The following HPCAL1 variants were observed in gnomAD, a reference collection of about 807,000 sequenced individuals.
The protein encoded by HPCAL1 is hippocalcin like 1.
HPCAL1 carries 8 observed loss-of-function variants against 17.1 expected under a neutral mutation model. The ratio of observed to expected loss-of-function variants is 0.47; its 90% CI spans 0.27 to 0.84. The LOEUF (loss-of-function observed/expected upper bound fraction) is 0.84. Among genes scored for constraint, HPCAL1 ranks in the 40% least tolerant of loss-of-function variants. HPCAL1 has a pLI of 0.13. For synonymous variants in HPCAL1, 112 were observed against 111.4 expected, an observed-to-expected ratio of 1.01 and a Z score of -0.03; for missense variants, 165 against 271.1, an observed-to-expected ratio of 0.61 and a Z score of 2.75.
rs560288088 is a variant in HPCAL1, at chr2:10,354,622, C to G, written c.-110-42213C>G. 6.6e-6 allele frequency among the ~76,000 whole-genome samples: 1 copy of G among 152,346 alleles called. No individual in the cohort carries two copies. Among genetic ancestry groups the G allele is most frequent in the African/African-American group, 2.4e-5 (1 of 41,582 alleles). On this transcript the variant is annotated intron_variant, in intron 1 of 4. Coordinates refer to ENST00000307845, the MANE Select transcript of HPCAL1 (RefSeq NM_002149.4). This position sits in a 1 kb window ranked among gnomAD's most constrained non-coding sequence, Gnocchi z 5.1. Reference sequence around the variant, plus strand: ...CTCAAATTCCGGGCCCTTGGCTGTGCTTCTCACATTCTTTCCATTGTCCGA... The same window carrying G: ...CTCAAATTCCGGGCCCTTGGCTGTGGTTCTCACATTCTTTCCATTGTCCGA...
At chr2:10,420,223 T>TTTG in intron 3 of HPCAL1, 88 bp downstream of exon 3, 2 of 1,247,912 alleles carry the variant, frequency 1.6e-6, no homozygotes, top group Non-Finnish European at 2.2e-6. Context: ...TTTTTTTTTT[T>TTTG]TTTTTTTTAA....
chr2:10,333,417 A>G (rs1185358180), intron 1 of HPCAL1, among the ~76,000 whole-genome samples: 1 of 152,022 alleles, frequency 6.6e-6, no homozygotes, highest in Non-Finnish European at 1.5e-5. Flanking sequence ...CCCTCCAGGG[A>G]TGGGTGGGCT....
chr2:10,310,652 G>T lies in HPCAL1; in HGVS notation c.-111+7475G>T, dbSNP rs1013414230. ...GGTTGCACAGAGAGAGCTGCAGGTT[G>T]TTCCTCAGGCATAACGAGGCCCGGA... On this transcript the variant is annotated intron_variant, in intron 1 of 4. Coordinates refer to ENST00000307845, the MANE Select transcript of HPCAL1 (RefSeq NM_002149.4). This position sits in a 1 kb window ranked among gnomAD's most constrained non-coding sequence, Gnocchi z 4.5. 4.6e-5 allele frequency among the ~76,000 whole-genome samples: 7 copies of T among 152,144 alleles called. No homozygotes were observed. The highest frequency in any genetic ancestry group is 7.2e-5 in the African/African-American group (3 of 41,416).
At chr2:10,368,455 C>G (rs1368720014) in intron 1 of HPCAL1, among the ~76,000 whole-genome samples, 1 of 152,176 alleles carries the variant, frequency 6.6e-6, no homozygotes, top group East Asian at 1.9e-4. Context: ...TCCCACCTCT[C>G]TGTTCCCCCA....
chr2:10,385,149 T>C (rs1167918025), intron 1 of HPCAL1, among the ~76,000 whole-genome samples: 1 of 150,318 alleles, frequency 6.7e-6, no homozygotes, highest in Non-Finnish European at 1.5e-5. Flanking sequence ...ATGAGTGGCC[T>C]CCACTGAGTG....
chr2:10,336,035 A>C (rs34468993), intron 1 of HPCAL1, among the ~76,000 whole-genome samples: 1 of 104,658 alleles, frequency 9.6e-6, no homozygotes, highest in Admixed American at 8.3e-5. Flanking sequence ...TTGCATGTTC[A>C]TATCCTCTGC....
intron 2 of HPCAL1, among the ~76,000 whole-genome samples, chr2:10,397,399 C>A (rs976908478): frequency 4.6e-5 from 7 of 152,240 alleles, no homozygotes; most frequent in Admixed American, 3.9e-4. Flanking sequence ...CTCTGGACCC[C>A]CACCCACGCC....
intron 1 of HPCAL1, among the ~76,000 whole-genome samples, chr2:10,309,996 C>T (rs1405095096): frequency 6.6e-6 from 1 of 152,116 alleles, no homozygotes; most frequent in Non-Finnish European, 1.5e-5. Context: ...TGCAAAATAC[C>T]TTGGAAAGAT....
At chr2:10,410,436 C>CTTTTTTTTTTTT (rs36002921) in intron 2 of HPCAL1, among the ~76,000 whole-genome samples, 11 of 77,522 alleles carry the variant, frequency 1.4e-4, no homozygotes, top group South Asian at 6.0e-4. Context: ...TCTTCTTCTT[C>CTTTTTTTTTTTT]TTTTTTTTTT....
intron 1 of HPCAL1, among the ~76,000 whole-genome samples, chr2:10,336,190 G>A (rs1025824444): frequency 6.7e-6 from 1 of 148,610 alleles, no homozygotes; most frequent in Non-Finnish European, 1.5e-5. Flanking sequence ...TTGCATGTGC[G>A]TATCCTCTGC....
chr2:10,338,168 A>G (rs533461671), intron 1 of HPCAL1, among the ~76,000 whole-genome samples: 2 of 151,454 alleles, frequency 1.3e-5, no homozygotes, highest in South Asian at 4.3e-4. Context: ...TCGTGATTGC[A>G]GGGAGTGGGG....
chr2:10,343,433 G>A lies in HPCAL1; in HGVS notation c.-111+40256G>A, dbSNP rs1342571365. Among the ~76,000 whole-genome samples, 1 of 152,216 alleles carries A rather than the reference G, an allele frequency of 6.6e-6. No individual in the cohort carries two copies. The highest frequency in any genetic ancestry group is 1.5e-5 in the Non-Finnish European group (1 of 68,044). ...TCCAGGACTCCCGGGTGGGAGGTGG[G>A]TGTTTGCATAGGCAGGCAGGTGAGC... On this transcript the variant is annotated intron_variant, in intron 1 of 4. Transcript: ENST00000307845. The surrounding 1 kb of genome is among the most constrained non-coding windows in gnomAD (Gnocchi z 4.8).
At chr2:10,376,406 G>A (rs980011717) in intron 1 of HPCAL1, among the ~76,000 whole-genome samples, 2 of 151,420 alleles carry the variant, frequency 1.3e-5, no homozygotes, top group Non-Finnish European at 2.9e-5. Flanking sequence ...TGTGTGTAAA[G>A]TATACCTTAA....
intron 1 of HPCAL1, among the ~76,000 whole-genome samples, chr2:10,305,432 G>A (rs1371481216): frequency 6.6e-6 from 1 of 152,178 alleles, no homozygotes; most frequent in Non-Finnish European, 1.5e-5. Flanking sequence ...TGGATAATGT[G>A]GCAAAGGGAA....
At chr2:10,381,926 C>T (rs979414546) in intron 1 of HPCAL1, among the ~76,000 whole-genome samples, 1 of 152,196 alleles carries the variant, frequency 6.6e-6, no homozygotes, top group African/African-American at 2.4e-5. Flanking sequence ...GATATTTACC[C>T]AGAGGAGTTA....
chr2:10,388,050 A>G (rs1356527709), intron 1 of HPCAL1, among the ~76,000 whole-genome samples: 1 of 152,174 alleles, frequency 6.6e-6, no homozygotes, highest in Non-Finnish European at 1.5e-5. Context: ...CTCAGCCCCC[A>G]GAGGACAATT....
chr2:10,319,764 C>T (rs191064676), intron 1 of HPCAL1, among the ~76,000 whole-genome samples: 290 of 151,946 alleles, frequency 1.9e-3, no homozygotes, highest in African/African-American at 6.7e-3. Flanking sequence ...CTCATTCATT[C>T]ACATCGTGTC....
At chr2:10,399,337 C>T (rs1333946589) in intron 2 of HPCAL1, among the ~76,000 whole-genome samples, 37 of 83,486 alleles carry the variant, frequency 4.4e-4, no homozygotes, top group African/African-American at 5.4e-4. Flanking sequence ...ACCACCACCA[C>T]CACCACCACC....
At chr2:10,373,427 C>T (rs2125517958) in intron 1 of HPCAL1, among the ~76,000 whole-genome samples, 1 of 152,278 alleles carries the variant, frequency 6.6e-6, no homozygotes, top group South Asian at 2.1e-4. Context: ...TCGGCATCAT[C>T]AGATCATCCG....
Sources: gnomAD v4.1 joint callset for allele counts (sites outside exome capture counted in the v4.1 genomes callset) on GRCh38, gnomAD v4.1.1 for gene constraint, Gnocchi (gnomAD v3.1) non-coding constraint, MANE v1.5 for transcripts, NCBI Gene and HGNC (gene_info 2026-07-23, HGNC 2026-07-21) for gene names.